C1QTNF12: variants seen among roughly 807,000 people sequenced by gnomAD.
C1QTNF12 encodes C1q and TNF related 12.
In C1QTNF12, 39 loss-of-function variants were observed where a neutral mutation model predicts 34.3. That is an observed-to-expected ratio of 1.14 (90% CI 0.88 to 1.49). The LOEUF is 1.49. C1QTNF12 is among the 40% of genes most tolerant of loss of function. C1QTNF12 has a pLI of 0.00. For missense variants in C1QTNF12, 497 were observed against 424.7 expected (o/e 1.17, Z -1.50); for synonymous variants, 220 against 196.9 (o/e 1.12, Z -0.98).
rs112300791 is a variant in C1QTNF12 at position 1,243,847 on chromosome 1, G to A, written c.531+107C>T. 4,184 of 684,122 alleles carry A rather than the reference G, an allele frequency of 6.1e-3. 83 individuals are homozygous for A. The highest frequency in any genetic ancestry group is 0.056 in the African/African-American group (3,022 of 54,142). The allele number at this position is 684,122 out of a possible 1,614,324, so 42.4% of individuals were successfully genotyped here. On this transcript the variant is annotated intron_variant, in intron 4 of 7. Transcript: ENST00000330388. The stretch of plus-strand genomic sequence containing the variant: ...CCTCGCCCTCCGAGCCCCGCCCCCA[G>A]CCCCCAACCCACATGCTGCCCCATG...
intron 5 of C1QTNF12, 50 bp downstream of exon 5, chr1:1,243,394 G>T: frequency 6.7e-7 from 1 of 1,501,368 alleles, no homozygotes; most frequent in Non-Finnish European, 9.1e-7. Flanking sequence ...CCCCCAGAAA[G>T]CTCAGCCCCA....
chr1:1,243,313 T>A lies in C1QTNF12; in HGVS notation c.640+131A>T, dbSNP rs1204211456. 3 of 1,046,328 alleles carry A rather than the reference T, an allele frequency of 2.9e-6. No individual in the cohort carries two copies. The Admixed American group carries it at 7.0e-5, about 24-fold the overall frequency. 64.8% of individuals were successfully genotyped at this position (1,046,328 alleles called of 1,614,324 possible). Reference sequence around the variant, plus strand: ...CGTGCAGCAGGGACCCCATGCCCAGTCCAAGGCCCCCCATGGGGCAGGGGA... The same window carrying A: ...CGTGCAGCAGGGACCCCATGCCCAGACCAAGGCCCCCCATGGGGCAGGGGA... On this transcript the variant is annotated intron_variant, in intron 5 of 7. Transcript: ENST00000330388.
In C1QTNF12 at chr1:1,244,451, C is replaced by T; in HGVS notation, c.224G>A (p.Trp75Ter). ...GTCCGGCCGCCGGACAAAGTTCAGC[C>T]ATGTCATGTGGGCGTCGGAGAACTC... ...GPEFSDAHMT[W>*]LNFVRRPDDG... is the part of the protein sequence containing the mutation. Residue 75 changes from tryptophan to a stop codon, truncating the protein, a stop_gained, in exon 2 of 8, where the codon TGG becomes TAG. Coordinates refer to ENST00000330388, the MANE Select transcript of C1QTNF12 (RefSeq NM_001014980.3). LOFTEE classifies it high-confidence loss of function. The T allele has an allele frequency of 6.2e-7, 1 of 1,611,920 alleles. No homozygotes were observed. The highest frequency in any genetic ancestry group is 8.5e-7 in the Non-Finnish European group (1 of 1,179,532).
chr1:1,244,587 C>T (rs1360550519), intron 1 of C1QTNF12, 90 bp from the exon 2 acceptor site: 5 of 1,022,992 alleles, frequency 4.9e-6, no homozygotes, highest in African/African-American at 3.2e-5. Context: ...AGGGCAGAAC[C>T]AGGGAAGGCA....
upstream of C1QTNF12, chr1:1,246,872 G>A: frequency 5.9e-6 from 2 of 340,002 alleles, no homozygotes; most frequent in Non-Finnish European, 9.9e-6. This position sits in a 1 kb window ranked among gnomAD's most constrained non-coding sequence, Gnocchi z 4.5. Context: ...TCCCCCCGGG[G>A]TCCCGCTCCA....
chr1:1,242,823 G>C lies in C1QTNF12; in HGVS notation c.810+12C>G. The C allele has an allele frequency of 6.2e-7, 1 of 1,611,930 alleles. No individual in the cohort carries two copies. Among genetic ancestry groups the C allele is most frequent in the South Asian group, 1.1e-5 (1 of 91,046 alleles). On this transcript the variant is annotated intron_variant, in intron 7 of 7. Coordinates refer to ENST00000330388, the MANE Select transcript of C1QTNF12 (RefSeq NM_001014980.3). Reference sequence around the variant, plus strand: ...ACCCGAGCCCTCCCGCTCACACCCGGCCCGGACTCACCTGCAGCTGCAGCA... The same window carrying C: ...ACCCGAGCCCTCCCGCTCACACCCGCCCCGGACTCACCTGCAGCTGCAGCA...
rs1638890278 is a variant in C1QTNF12 at position 1,246,324 on chromosome 1, A to G, written c.177+190T>C. Among the ~76,000 whole-genome samples the G allele has an allele frequency of 6.6e-6, 1 of 151,908 alleles. No individual in the cohort carries two copies. The highest frequency in any genetic ancestry group is 1.5e-5 in the Non-Finnish European group (1 of 67,926). On this transcript the variant is annotated intron_variant, in intron 1 of 7. Coordinates refer to ENST00000330388, the MANE Select transcript of C1QTNF12 (RefSeq NM_001014980.3). The surrounding 1 kb of genome is among the most constrained non-coding windows in gnomAD (Gnocchi z 4.5). ...GGGGGCCAGGTCTCCGCTGCAGAGGAGGAGAGGGCTTCCCAGAGGCCGGCC... is the reference window on the plus strand; with the variant it reads ...GGGGGCCAGGTCTCCGCTGCAGAGGGGGAGAGGGCTTCCCAGAGGCCGGCC...
At chr1:1,246,972 G>A (rs1638911510), upstream of C1QTNF12, among the ~76,000 whole-genome samples, 1 of 151,896 alleles carries the variant, frequency 6.6e-6, no homozygotes, top group African/African-American at 2.4e-5. This position sits in a 1 kb window ranked among gnomAD's most constrained non-coding sequence, Gnocchi z 4.5. Flanking sequence ...AGACCTCGCA[G>A]GCTCCAGGGT....
At position 1,244,071 on chromosome 1, in the gene C1QTNF12, G is replaced by A; in HGVS notation, c.414C>T (p.Asp138=). 1 of 1,595,034 alleles carries A rather than the reference G, an allele frequency of 6.3e-7. No homozygotes were observed. Among genetic ancestry groups the A allele is most frequent in the Non-Finnish European group, 8.5e-7 (1 of 1,171,228 alleles). The change falls in exon 4 of 8, where the codon GAC becomes GAT. Residue 138 remains aspartate, a synonymous_variant. Transcript: ENST00000330388. ...GGCCCGCCCCCTGGGGCAGCAGCGG[G>A]TCCAGAAGCCCTGAGAACCGGCGCT... ...ATERRFSGLL[D]PLLPQGAGLR...
chr1:1,244,244 C>T lies in C1QTNF12; in HGVS notation c.326G>A (p.Gly109Asp), dbSNP rs1413565103. ...RDLFGPPGPP[G>D]AEVTAETLLH... ...CAGAGTCTCCGCGGTCACTTCTGCA[C>T]CTGGAGGTCCTGGGGGACCGAAGAG... The change falls in exon 3 of 8, where the codon GGT (glycine) becomes GAT (aspartate). Residue 109 changes from glycine (G) to aspartate (D), a missense_variant. By Grantham distance (94) the Gly-to-Asp change is moderately conservative. Coordinates refer to ENST00000330388, the MANE Select transcript of C1QTNF12 (RefSeq NM_001014980.3). The T allele has an allele frequency of 1.3e-6, 2 of 1,597,420 alleles. No individual in the cohort carries two copies. Among genetic ancestry groups the T allele is most frequent in the Non-Finnish European group, 1.7e-6 (2 of 1,172,034 alleles).
At chr1:1,244,627 C>A in intron 1 of C1QTNF12, 130 bp from the exon 2 acceptor site, 1 of 720,404 alleles carries the variant, frequency 1.4e-6, no homozygotes, top group South Asian at 1.7e-5. Context: ...CCCACGGCCG[C>A]CCTTGGGGGA....
At chr1:1,243,725 G>T (rs1314460296) in intron 4 of C1QTNF12, among the ~76,000 whole-genome samples, 173 bp from the exon 5 acceptor site, 2 of 152,150 alleles carry the variant, frequency 1.3e-5, no homozygotes, top group African/African-American at 2.4e-5. Context: ...ACCCAGGAGG[G>T]TCTCCCTGCC....
At position 1,244,221 on chromosome 1, in the gene C1QTNF12, G is replaced by C; in HGVS notation, c.349C>G (p.Leu117Val). The change falls in exon 3 of 8, where the codon CTG (leucine) becomes GTG (valine). Residue 117 changes from leucine (L) to valine (V), a missense_variant. Physicochemically the swap from Leu to Val is conservative, Grantham distance 32. Transcript: ENST00000330388. Reference sequence around the variant, plus strand: ...AGCAGCTCCTGAAACTCGTGAAGCAGAGTCTCCGCGGTCACTTCTGCACCT... The same window carrying C: ...AGCAGCTCCTGAAACTCGTGAAGCACAGTCTCCGCGGTCACTTCTGCACCT... Reference protein sequence around the residue: ...PPGAEVTAETLLHEFQELLKE... With the variant: ...PPGAEVTAETVLHEFQELLKE... 1 of 1,596,134 alleles carries C rather than the reference G, an allele frequency of 6.3e-7. No homozygotes were observed. The highest frequency in any genetic ancestry group is 8.5e-7 in the Non-Finnish European group (1 of 1,171,528).
Position 1,243,971 on chromosome 1 carries a change from G to C in C1QTNF12, c.514C>G (p.Leu172Val), listed in dbSNP as rs12410301. The stretch of plus-strand genomic sequence containing the variant: ...CCACTCACAGCCTGGAAACCATGCA[G>C]CTCCACCAGCGTCCGCTTGTCCACC... ...RRVDKRTLVE[L>V]HGFQAPAAQG... The change falls in exon 4 of 8, where the codon CTG (leucine) becomes GTG (valine). Residue 172 changes from leucine to valine, a missense_variant. Transcript: ENST00000330388. 9 of 1,609,326 alleles carry C rather than the reference G, an allele frequency of 5.6e-6. No individual in the cohort carries two copies. The African/African-American group carries it at 1.1e-4, about 19-fold the overall frequency.
At chr1:1,244,139 T>G (rs1638816890) in intron 3 of C1QTNF12, 34 bp from the exon 4 acceptor site, 1 of 1,562,226 alleles carries the variant, frequency 6.4e-7, no homozygotes, top group African/African-American at 1.4e-5. Flanking sequence ...GCCAGCAGGG[T>G]CAGCACAGGG....
intron 2 of C1QTNF12, 26 bp from the exon 3 acceptor site, chr1:1,244,301 G>A: frequency 6.3e-7 from 1 of 1,590,490 alleles, no homozygotes; most frequent in South Asian, 1.1e-5. Context: ...AGCAGGTGAG[G>A]GGCCCAGTGG....
At position 1,243,481 on chromosome 1, in the gene C1QTNF12, C is replaced by A. The variant is rs374660087; in HGVS notation, c.603G>T (p.Val201=). ...SLASGRFTAP[V]SGIFQFSASL... ...TGGCAGAGAACTGGAAGATGCCGGACACGGGGGCCGTGAACCGACCCGAGG... is the reference window on the plus strand; with the variant it reads ...TGGCAGAGAACTGGAAGATGCCGGAAACGGGGGCCGTGAACCGACCCGAGG... The change falls in exon 5 of 8, where the codon GTG becomes GTT. Residue 201 remains valine (V), a synonymous_variant. Coordinates refer to ENST00000330388, the MANE Select transcript of C1QTNF12 (RefSeq NM_001014980.3). 1.9e-6 allele frequency: 3 copies of A among 1,560,006 alleles called. No homozygotes were observed. The highest frequency in any genetic ancestry group is 2.6e-6 in the Non-Finnish European group (3 of 1,152,122).
In C1QTNF12 at chr1:1,243,016, G is replaced by C. The variant is rs201127831; in HGVS notation, c.731+46C>G. On this transcript the variant is annotated intron_variant, in intron 6 of 7. Coordinates refer to ENST00000330388, the MANE Select transcript of C1QTNF12 (RefSeq NM_001014980.3). ...CCTGTGGCCTGTGAGCCCCTCCAAG[G>C]GTGGTCCGGGGGCTGCCGCCTGGAG... is the stretch of plus-strand genomic sequence containing the variant. 9.0e-6 allele frequency: 14 copies of C among 1,555,010 alleles called. No individual in the cohort carries two copies. The East Asian group carries it at 2.9e-4, about 32-fold the overall frequency.
intron 6 of C1QTNF12, 33 bp from the exon 7 acceptor site, chr1:1,242,946 G>A (rs533260195): frequency 1.7e-5 from 28 of 1,603,118 alleles, no homozygotes; most frequent in Admixed American, 6.8e-5. Flanking sequence ...AGAGGGAGGC[G>A]TTGCAGGTCC....
Sources: gnomAD v4.1 joint callset for allele counts (sites outside exome capture counted in the v4.1 genomes callset) on GRCh38, gnomAD v4.1.1 for gene constraint, Gnocchi (gnomAD v3.1) non-coding constraint, MANE v1.5 for transcripts, NCBI Gene and HGNC (gene_info 2026-07-23, HGNC 2026-07-21) for gene names.